TMEM114: variants seen among roughly 807,000 people sequenced by gnomAD.
TMEM114 encodes claudin-26.
TMEM114 carries 6 observed loss-of-function variants against 6.2 expected under a neutral mutation model. The ratio of observed to expected loss-of-function variants is 0.97; its 90% CI spans 0.53 to 1.91. TMEM114 has a LOEUF of 1.91. Among genes scored for constraint, TMEM114 ranks in the 40% most tolerant of loss-of-function variants. The pLI is 0.01. For missense variants in TMEM114, 218 were observed against 158.3 expected, an observed-to-expected ratio of 1.38 and a Z score of -2.02; for synonymous variants, 104 against 73.0, an observed-to-expected ratio of 1.42 and a Z score of -2.16.
At chr16:8,577,841 C>T (rs1258400662) in intron 2 of TMEM114, among the ~76,000 whole-genome samples, 1 of 152,174 alleles carries the variant, frequency 6.6e-6, no homozygotes, top group African/African-American at 2.4e-5. Context: ...CCCACCCTGG[C>T]CTCCCAAAGT....
At chr16:8,586,461 G>A (rs1214750269) in intron 2 of TMEM114, among the ~76,000 whole-genome samples, 2 of 151,990 alleles carry the variant, frequency 1.3e-5, no homozygotes, top group African/African-American at 4.8e-5. Flanking sequence ...TTTTACCTGG[G>A]ACATGACCCT....
At chr16:8,546,107 G>A (rs759880238) in intron 2 of TMEM114, among the ~76,000 whole-genome samples, 9 of 152,164 alleles carry the variant, frequency 5.9e-5, no homozygotes, top group East Asian at 1.9e-4. Flanking sequence ...GAGCAAGACC[G>A]TGTCTCAAAA....
At chr16:8,563,554 T>C (rs1011686990) in intron 2 of TMEM114, among the ~76,000 whole-genome samples, 1 of 150,804 alleles carries the variant, frequency 6.6e-6, no homozygotes, top group South Asian at 2.1e-4. Flanking sequence ...AGTAAGTGAA[T>C]GAGTGACTGA....
chr16:8,547,988 G>C (rs1030492513), intron 2 of TMEM114, among the ~76,000 whole-genome samples: 1 of 152,150 alleles, frequency 6.6e-6, no homozygotes, highest in African/African-American at 2.4e-5. Context: ...CCAGGTGATA[G>C]AAACGTCAGG....
the TMEM114 span, among the ~76,000 whole-genome samples, chr16:8,530,288 G>T: frequency 5.3e-4 from 81 of 152,284 alleles, no homozygotes; most frequent in African/African-American, 1.9e-3. Context: ...AGTCAATTGA[G>T]GGGGTGAGTA....
chr16:8,572,022 T>C, intron 3 of TMEM114, 65 bp downstream of exon 3: 1 of 1,460,758 alleles, frequency 6.8e-7, no homozygotes, highest in Non-Finnish European at 9.0e-7. Context: ...TGAGGGTTCA[T>C]ACACAGTACC....
intron 2 of TMEM114, among the ~76,000 whole-genome samples, chr16:8,588,647 C>G (rs1285104329): frequency 6.6e-6 from 1 of 152,172 alleles, no homozygotes; most frequent in African/African-American, 2.4e-5. Context: ...ATAAGAGGGA[C>G]GCAGTGGACC....
At chr16:8,581,332 C>T (rs540782662) in intron 2 of TMEM114, among the ~76,000 whole-genome samples, 1 of 152,136 alleles carries the variant, frequency 6.6e-6, no homozygotes, top group Admixed American at 6.6e-5. Context: ...TGAATATACA[C>T]CTATAAATGT....
chr16:8,531,139 T>G, the TMEM114 span, among the ~76,000 whole-genome samples: 1 of 152,168 alleles, frequency 6.6e-6, no homozygotes, highest in African/African-American at 2.4e-5. Flanking sequence ...ATTTTGAAAA[T>G]GTAGACAACA....
chr16:8,588,615 G>A (rs1469621152), intron 2 of TMEM114, among the ~76,000 whole-genome samples: 2 of 152,136 alleles, frequency 1.3e-5, no homozygotes, highest in Non-Finnish European at 2.9e-5. Context: ...GCACTGAGCT[G>A]GGTACTAAGA....
At chr16:8,536,202 G>A (rs890943582), downstream of TMEM114, among the ~76,000 whole-genome samples, 2 of 150,814 alleles carry the variant, frequency 1.3e-5, no homozygotes, top group South Asian at 4.2e-4. Context: ...TCCAGCCTGG[G>A]TGACAGAGCG....
chr16:8,543,117 G>C (rs1263079621), intron 2 of TMEM114, among the ~76,000 whole-genome samples: 1 of 152,082 alleles, frequency 6.6e-6, no homozygotes, highest in Non-Finnish European at 1.5e-5. Flanking sequence ...TGTCAGTTCA[G>C]ACTTCGGTGT....
At chr16:8,578,188 C>G (rs1902007920) in intron 2 of TMEM114, among the ~76,000 whole-genome samples, 1 of 152,076 alleles carries the variant, frequency 6.6e-6, no homozygotes, top group Non-Finnish European at 1.5e-5. Context: ...TTTCCTGTGG[C>G]CACTGTAACA....
downstream of TMEM114, among the ~76,000 whole-genome samples, chr16:8,536,230 A>C (rs1900355563): frequency 6.6e-6 from 1 of 152,078 alleles, no homozygotes; most frequent in African/African-American, 2.4e-5. Context: ...GTCTCAAAAA[A>C]AAAAAAAAAA....
downstream of TMEM114, among the ~76,000 whole-genome samples, chr16:8,566,545 G>A (rs1405995682): frequency 6.6e-6 from 1 of 151,858 alleles, no homozygotes; most frequent in Non-Finnish European, 1.5e-5. Context: ...AGATCAGAAT[G>A]GATCAGGATA....
intron 2 of TMEM114, among the ~76,000 whole-genome samples, chr16:8,556,029 G>C (rs181663169): frequency 3.3e-5 from 5 of 152,118 alleles, no homozygotes; most frequent in Non-Finnish European, 7.4e-5. Flanking sequence ...ACCACCTGTC[G>C]GCATGCCTCC....
chr16:8,535,014 A>G (rs1313539564), downstream of TMEM114, among the ~76,000 whole-genome samples: 1 of 151,968 alleles, frequency 6.6e-6, no homozygotes, highest in Non-Finnish European at 1.5e-5. Context: ...TAACGTCAAG[A>G]CTCGCTTTGG....
At chr16:8,581,763 C>A (rs1047830911) in intron 2 of TMEM114, among the ~76,000 whole-genome samples, 7 of 152,356 alleles carry the variant, frequency 4.6e-5, no homozygotes, top group Admixed American at 3.9e-4. Context: ...CAGAAGTGGA[C>A]TTACTTTAAA....
chr16:8,536,918 A>G (rs928739346), downstream of TMEM114, among the ~76,000 whole-genome samples: 5 of 152,156 alleles, frequency 3.3e-5, no homozygotes, highest in African/African-American at 1.2e-4. Context: ...ACTTTTATTA[A>G]ACATACAGGC....
Sources: gnomAD v4.1 joint callset for allele counts (sites outside exome capture counted in the v4.1 genomes callset) on GRCh38, gnomAD v4.1.1 for gene constraint, MANE v1.5 for transcripts, NCBI Gene and HGNC (gene_info 2026-07-23, HGNC 2026-07-21) for gene names.